NCOA2: variants seen among roughly 807,000 people sequenced by gnomAD.
The protein encoded by NCOA2 is class E basic helix-loop-helix protein 75.
NCOA2 carries 21 observed loss-of-function variants against 145.1 expected under a neutral mutation model. The observed-to-expected ratio is 0.14, with a 90% CI of 0.10 to 0.21. NCOA2 has a LOEUF of 0.21. Ranked by LOEUF, NCOA2 falls within the 10% of genes least tolerant of loss-of-function variation. The pLI is 1.00. For synonymous variants in NCOA2, 619 were observed against 637.5 expected, an observed-to-expected ratio of 0.97 and a Z score of 0.44; for missense variants, 1,472 against 1,837.6, an observed-to-expected ratio of 0.80 and a Z score of 3.64.
chr8:70,366,950 G>C (rs575179936), intron 1 of NCOA2, among the ~76,000 whole-genome samples: 40 of 152,098 alleles, frequency 2.6e-4, no homozygotes, highest in Non-Finnish European at 5.1e-4. Flanking sequence ...GTTCATAAAA[G>C]CAGAAGATTC....
In NCOA2 at chr8:70,170,396, A is replaced by C. The variant is rs1260426250; in HGVS notation, c.364-17T>G. The stretch of plus-strand genomic sequence containing the variant: ...ATCAAGGGCCTAGGGAACAAAGTAC[A>C]AATTGTGTTAGAAAGGATGCAACAT... On this transcript the variant is annotated splice_polypyrimidine_tract_variant and intron_variant, in intron 5 of 22. Transcript: ENST00000452400. 5 of 1,552,304 alleles carry C rather than the reference A, an allele frequency of 3.2e-6. No homozygotes were observed. Among genetic ancestry groups the C allele is most frequent in the Non-Finnish European group, 4.4e-6 (5 of 1,147,766 alleles).
chr8:70,372,208 A>T (rs1236659403), intron 1 of NCOA2, among the ~76,000 whole-genome samples: 1 of 152,222 alleles, frequency 6.6e-6, no homozygotes, highest in Admixed American at 6.5e-5. Context: ...GCAGGTTTTA[A>T]AACATTATTT....
rs754886626 is a variant in NCOA2, at chr8:70,138,193, CA to C, written c.3158+9del. On this transcript the variant is annotated intron_variant, in intron 15 of 22. Coordinates refer to ENST00000452400, the MANE Select transcript of NCOA2 (RefSeq NM_006540.4). ...AAAATAACTGGCTACCCTAGGTGCTCAGGACTCACCTGTTTTGGCTGGCAAA... is the reference window on the plus strand; with the variant it reads ...AAAATAACTGGCTACCCTAGGTGCTCGGACTCACCTGTTTTGGCTGGCAAA... 1 of 1,610,030 alleles carries C rather than the reference CA, an allele frequency of 6.2e-7. No individual in the cohort carries two copies. Among genetic ancestry groups the C allele is most frequent in the Non-Finnish European group, 8.5e-7 (1 of 1,178,816 alleles).
At chr8:70,294,694 T>C (rs1480426294) in intron 2 of NCOA2, among the ~76,000 whole-genome samples, 3 of 152,206 alleles carry the variant, frequency 2.0e-5, no homozygotes, top group Non-Finnish European at 2.9e-5. Context: ...TAGGGGTATT[T>C]AGGCAGAAAA....
At chr8:70,374,287 C>T (rs1276933526) in intron 1 of NCOA2, among the ~76,000 whole-genome samples, 2 of 151,850 alleles carry the variant, frequency 1.3e-5, no homozygotes, top group African/African-American at 2.4e-5. Context: ...GCCTGGCCAA[C>T]ATGGTGAAAT....
intron 2 of NCOA2, among the ~76,000 whole-genome samples, chr8:70,279,990 T>C (rs1825755041): frequency 6.6e-6 from 1 of 152,208 alleles, no homozygotes; most frequent in Non-Finnish European, 1.5e-5. Context: ...TTATACTGGT[T>C]TGAGTTGCAT....
the NCOA2 span, among the ~76,000 whole-genome samples, chr8:70,435,391 G>C: frequency 0.25 from 31,324 of 126,876 alleles, 3,737 homozygotes; most frequent in Middle Eastern, 0.4. Context: ...CGCCACTGCA[G>C]TCCAGCTTGG....
chr8:70,147,401 A>AT (rs1447912781), intron 12 of NCOA2, among the ~76,000 whole-genome samples: 1 of 152,210 alleles, frequency 6.6e-6, no homozygotes, highest in Non-Finnish European at 1.5e-5. Flanking sequence ...GATGGTTGCC[A>AT]TTTTTGATCT....
rs1554593968 is a variant in NCOA2, at chr8:70,207,884, A to AAG, written c.259+6018_259+6019insCT. Among the ~76,000 whole-genome samples, 238 of 144,118 alleles carry AAG rather than the reference A, an allele frequency of 1.7e-3. No individual in the cohort carries two copies. In the East Asian group the frequency reaches 0.023, roughly 14 times the overall value. The allele number at this position is 144,118 out of a possible 152,430, so 94.5% of individuals were successfully genotyped here. ...CCTCAAAAAAAAAAAAAAAAAAAAA[A>AAG]AAGAAGAAGAAGAAGAAGAAAAGAA... On this transcript the variant is annotated intron_variant, in intron 4 of 22. Coordinates refer to ENST00000452400, the MANE Select transcript of NCOA2 (RefSeq NM_006540.4).
At chr8:70,351,664 C>A (rs928382294) in intron 1 of NCOA2, among the ~76,000 whole-genome samples, 1 of 149,882 alleles carries the variant, frequency 6.7e-6, no homozygotes, top group African/African-American at 2.5e-5. Context: ...TAGCTCACTG[C>A]AAGCTCAAAC....
At chr8:70,141,689 C>T (rs1248165881) in intron 13 of NCOA2, among the ~76,000 whole-genome samples, 1 of 152,212 alleles carries the variant, frequency 6.6e-6, no homozygotes, top group Non-Finnish European at 1.5e-5. Context: ...ATAACCCCAA[C>T]TTCCTTCCTC....
At chr8:70,418,417 T>C in the NCOA2 span, among the ~76,000 whole-genome samples, 1 of 152,336 alleles carries the variant, frequency 6.6e-6, no homozygotes, top group East Asian at 1.9e-4. Flanking sequence ...AATGCCATGA[T>C]GGTGAATAGG....
chr8:70,391,062 A>C lies in NCOA2; in HGVS notation c.-77+12638T>G, dbSNP rs1031283661. ...AGGTAAGGTTAGGTATAAAGTAAAG[A>C]AGATGGAAATAATTATAGGACAGGA... On this transcript the variant is annotated intron_variant, in intron 1 of 22. Transcript: ENST00000452400. 3.3e-5 allele frequency among the ~76,000 whole-genome samples: 5 copies of C among 152,362 alleles called. No homozygotes were observed. In the East Asian group the frequency reaches 9.6e-4, roughly 29 times the overall value.
chr8:70,275,436 A>G (rs530781579), intron 2 of NCOA2, among the ~76,000 whole-genome samples: 6 of 152,292 alleles, frequency 3.9e-5, no homozygotes, highest in Non-Finnish European at 8.8e-5. Flanking sequence ...TATGTGAAGG[A>G]AATTTAATAT....
intron 2 of NCOA2, among the ~76,000 whole-genome samples, chr8:70,237,162 G>A (rs1821695849): frequency 6.6e-6 from 1 of 152,180 alleles, no homozygotes; most frequent in Non-Finnish European, 1.5e-5. Context: ...TGGTATAGTA[G>A]TATACTTGTA....
the NCOA2 span, among the ~76,000 whole-genome samples, chr8:70,420,220 C>G: frequency 6.6e-6 from 1 of 152,190 alleles, no homozygotes; most frequent in South Asian, 2.1e-4. Context: ...CCAAATGATA[C>G]TAAATGAAAT....
At chr8:70,404,926 C>T (rs1484780261), upstream of NCOA2, among the ~76,000 whole-genome samples, 1 of 151,900 alleles carries the variant, frequency 6.6e-6, no homozygotes, top group Admixed American at 6.6e-5. Flanking sequence ...ATGAGAGGAA[C>T]ATATTCCCTG....
chr8:70,310,383 C>T (rs1002121044), intron 1 of NCOA2, among the ~76,000 whole-genome samples: 3 of 150,566 alleles, frequency 2.0e-5, no homozygotes, highest in Admixed American at 1.3e-4. Context: ...ATAGAGTGAC[C>T]GAGAGTTTGA....
chr8:70,425,035 A>G, the NCOA2 span, among the ~76,000 whole-genome samples: 13 of 152,184 alleles, frequency 8.5e-5, no homozygotes, highest in Admixed American at 2.0e-4. Context: ...CTCAGCCACT[A>G]AACTCCTACT....
Sources: allele counts gnomAD v4.1 joint callset (sites outside exome capture counted in the v4.1 genomes callset), GRCh38; gene constraint gnomAD v4.1.1; transcripts MANE v1.5; gene names NCBI Gene and HGNC (gene_info 2026-07-23, HGNC 2026-07-21).